CNTNAP2: variants seen among roughly 807,000 people sequenced by gnomAD.
CNTNAP2 encodes contactin-associated protein-like 2.
In CNTNAP2, 98 loss-of-function variants were observed where a neutral mutation model predicts 155.2. The observed-to-expected ratio is 0.63, with a 90% CI of 0.54 to 0.75. CNTNAP2 has a LOEUF of 0.75. CNTNAP2 is among the 30% of genes least tolerant of loss of function. The probability of loss-of-function intolerance (pLI) is 0.00; values close to 1 mark genes in which losing one functional copy is unlikely to be tolerated. For synonymous variants in CNTNAP2, 651 were observed against 631.2 expected, an observed-to-expected ratio of 1.03 and a Z score of -0.47; for missense variants, 1,727 against 1,688.1, an observed-to-expected ratio of 1.02 and a Z score of -0.40.
At chr7:148,160,529 T>C (rs545320393) in intron 17 of CNTNAP2, among the ~76,000 whole-genome samples, 1 of 152,272 alleles carries the variant, frequency 6.6e-6, no homozygotes, top group Non-Finnish European at 1.5e-5. Flanking sequence ...TATCCTTTTG[T>C]TTAAATGTTC....
chr7:147,556,881 C>A (rs555056505), intron 11 of CNTNAP2, among the ~76,000 whole-genome samples: 1 of 152,270 alleles, frequency 6.6e-6, no homozygotes, highest in East Asian at 1.9e-4. Flanking sequence ...GAAACTCATA[C>A]AATAGTACTT....
At chr7:147,966,097 G>A (rs1171153566) in intron 14 of CNTNAP2, among the ~76,000 whole-genome samples, 1 of 152,130 alleles carries the variant, frequency 6.6e-6, no homozygotes. Context: ...TGTGATGTTT[G>A]TAGAGAAAAG....
At chr7:147,936,055 A>G (rs1800601502) in intron 14 of CNTNAP2, among the ~76,000 whole-genome samples, 1 of 152,220 alleles carries the variant, frequency 6.6e-6, no homozygotes, top group Admixed American at 6.5e-5. Flanking sequence ...ATGATAAGAA[A>G]AAAAAGCAAA....
chr7:147,337,213 A>G (rs997553637), intron 9 of CNTNAP2, among the ~76,000 whole-genome samples: 15 of 152,106 alleles, frequency 9.9e-5, no homozygotes, highest in African/African-American at 3.6e-4. Flanking sequence ...GTTAGGATGT[A>G]TGGTGAGCCA....
At chr7:147,900,369 G>A (rs144684133) in intron 13 of CNTNAP2, among the ~76,000 whole-genome samples, 1 of 152,086 alleles carries the variant, frequency 6.6e-6, no homozygotes, top group Non-Finnish European at 1.5e-5. Flanking sequence ...CACAAGATCT[G>A]GTTGTTTGAT....
At chr7:147,416,275 C>T (rs1797192143) in intron 10 of CNTNAP2, among the ~76,000 whole-genome samples, 1 of 152,192 alleles carries the variant, frequency 6.6e-6, no homozygotes, top group African/African-American at 2.4e-5. Context: ...CAGCCTGAAA[C>T]TCATGCGTGA....
chr7:146,868,929 C>A (rs539602249), intron 3 of CNTNAP2, among the ~76,000 whole-genome samples: 1 of 152,212 alleles, frequency 6.6e-6, no homozygotes, highest in African/African-American at 2.4e-5. Context: ...AGACTATGTG[C>A]TTTTCTAGAT....
At chr7:146,971,154 A>G (rs1283360201) in intron 3 of CNTNAP2, among the ~76,000 whole-genome samples, 1 of 152,098 alleles carries the variant, frequency 6.6e-6, no homozygotes. Flanking sequence ...ACATGTATAC[A>G]TATGTAACTA....
At chr7:146,274,724 G>A (rs925470286) in intron 1 of CNTNAP2, among the ~76,000 whole-genome samples, 1 of 152,126 alleles carries the variant, frequency 6.6e-6, no homozygotes, top group African/African-American at 2.4e-5. Flanking sequence ...GGCAGTGCAG[G>A]AGCAATTCTA....
intron 12 of CNTNAP2, among the ~76,000 whole-genome samples, chr7:147,585,294 T>C (rs989603726): frequency 2.6e-5 from 4 of 151,902 alleles, no homozygotes; most frequent in Non-Finnish European, 4.4e-5. Flanking sequence ...TATCCTTATA[T>C]ACTGCACTAT....
intron 2 of CNTNAP2, among the ~76,000 whole-genome samples, chr7:146,810,026 T>C (rs997035281): frequency 3.9e-5 from 6 of 152,196 alleles, no homozygotes; most frequent in African/African-American, 1.4e-4. Flanking sequence ...AATTTTTGTA[T>C]ATGGTATAAG....
chr7:147,439,749 T>C (rs1176539664), intron 10 of CNTNAP2, among the ~76,000 whole-genome samples: 1 of 152,080 alleles, frequency 6.6e-6, no homozygotes, highest in African/African-American at 2.4e-5. Context: ...TTGCTTTATA[T>C]ATCTGGGTGC....
chr7:147,101,048 G>A (rs181907723), intron 4 of CNTNAP2, among the ~76,000 whole-genome samples: 98 of 152,232 alleles, frequency 6.4e-4, no homozygotes, highest in African/African-American at 2.3e-3. Context: ...AAGAAAAATG[G>A]CTGCTCACTG....
At chr7:147,317,916 C>G (rs1795263942) in intron 9 of CNTNAP2, among the ~76,000 whole-genome samples, 2 of 151,806 alleles carry the variant, frequency 1.3e-5, no homozygotes, top group South Asian at 4.2e-4. Flanking sequence ...CGGTTTGTCT[C>G]TTTCTTCTTA....
At chr7:148,052,399 G>C (rs1802911018) in intron 15 of CNTNAP2, among the ~76,000 whole-genome samples, 1 of 147,934 alleles carries the variant, frequency 6.8e-6, no homozygotes, top group Non-Finnish European at 1.5e-5. Flanking sequence ...GTTCAGTAAA[G>C]GTGTAAAAAG....
At chr7:146,334,158 G>A (rs1801231752) in intron 1 of CNTNAP2, among the ~76,000 whole-genome samples, 1 of 152,128 alleles carries the variant, frequency 6.6e-6, no homozygotes. Flanking sequence ...CTGGCCGGGC[G>A]CGGTGGCTCA....
chr7:146,745,508 G>A (rs372879054), intron 1 of CNTNAP2, among the ~76,000 whole-genome samples: 3 of 151,890 alleles, frequency 2.0e-5, no homozygotes, highest in South Asian at 2.1e-4. Flanking sequence ...GCGGCTGGGC[G>A]CGGTAATCCC....
intron 2 of CNTNAP2, among the ~76,000 whole-genome samples, chr7:146,826,617 G>A (rs533691289): frequency 6.6e-6 from 1 of 152,088 alleles, no homozygotes; most frequent in East Asian, 1.9e-4. Context: ...TCACAGGAGG[G>A]GATGTGCTAA....
intron 11 of CNTNAP2, among the ~76,000 whole-genome samples, chr7:147,502,741 G>GTATATATATA (rs71183011): frequency 3.6e-3 from 358 of 99,952 alleles, no homozygotes; most frequent in Non-Finnish European, 4.6e-3. Context: ...GTGTGTGTGT[G>GTATATATATA]TATATATATA....
Sources: allele counts gnomAD v4.1 joint callset (sites outside exome capture counted in the v4.1 genomes callset), GRCh38; gene constraint gnomAD v4.1.1; transcripts MANE v1.5; gene names NCBI Gene and HGNC (gene_info 2026-07-23, HGNC 2026-07-21).